Variants in DSCAML1 observed in about 807,000 individuals in gnomAD.
The protein encoded by DSCAML1 is DS cell adhesion molecule like 1.
In DSCAML1, 38 loss-of-function variants were observed where a neutral mutation model predicts 200.5. The observed-to-expected ratio is 0.19, with a 90% CI of 0.15 to 0.25. The LOEUF (loss-of-function observed/expected upper bound fraction) is 0.25. Ranked by LOEUF, DSCAML1 falls within the 10% of genes least tolerant of loss-of-function variation. The probability of loss-of-function intolerance (pLI) is 1.00; values close to 1 mark genes in which losing one functional copy is unlikely to be tolerated. For synonymous variants in DSCAML1, 1,215 were observed against 1,165.0 expected, an observed-to-expected ratio of 1.04 and a Z score of -0.87; for missense variants, 2,223 against 2,858.8, an observed-to-expected ratio of 0.78 and a Z score of 5.07.
chr11:117,559,901 T>C (rs533235025), intron 3 of DSCAML1, among the ~76,000 whole-genome samples: 17 of 151,526 alleles, frequency 1.1e-4, no homozygotes, highest in Admixed American at 7.2e-4. Flanking sequence ...AGGAAGGGCC[T>C]AGAGTTGGGG....
chr11:117,725,838 CAAAACAAAACAAAAA>C (rs1307198429), intron 3 of DSCAML1, among the ~76,000 whole-genome samples: 1,909 of 149,474 alleles, frequency 0.013, 35 homozygotes, highest in African/African-American at 0.043. Flanking sequence ...CAAAACAAAA[CAAAACAAAACAAAAA>C]GGTAGGGAGG....
intron 3 of DSCAML1, among the ~76,000 whole-genome samples, chr11:117,765,520 G>A (rs1409091668): frequency 2.0e-5 from 3 of 152,076 alleles, no homozygotes; most frequent in Admixed American, 6.5e-5. Flanking sequence ...TCACACCTAC[G>A]ATCACACCTA....
intron 3 of DSCAML1, among the ~76,000 whole-genome samples, chr11:117,536,121 G>A (rs895808011): frequency 3.3e-5 from 5 of 152,130 alleles, no homozygotes; most frequent in Non-Finnish European, 5.9e-5. Flanking sequence ...TGCACAGCGC[G>A]AGAGGGGAAG....
intron 3 of DSCAML1, among the ~76,000 whole-genome samples, chr11:117,577,124 A>G (rs1426182887): frequency 6.6e-6 from 1 of 152,180 alleles, no homozygotes; most frequent in African/African-American, 2.4e-5. Flanking sequence ...GGTCCCTGGT[A>G]CTGGTGTCAC....
intron 1 of DSCAML1, among the ~76,000 whole-genome samples, chr11:117,785,661 A>C (rs1351619597): frequency 6.6e-6 from 1 of 152,162 alleles, no homozygotes; most frequent in Admixed American, 6.6e-5. Flanking sequence ...AAGTTCTTGT[A>C]GTCCTTATGT....
chr11:117,486,632 A>T (rs942870473), intron 11 of DSCAML1, among the ~76,000 whole-genome samples: 2 of 152,228 alleles, frequency 1.3e-5, no homozygotes, highest in Admixed American at 6.5e-5. Flanking sequence ...GCAAGACTGT[A>T]TAAGACCCAT....
Position 117,662,207 on chromosome 11 carries a change from T to A in DSCAML1, c.511+114584A>T, listed in dbSNP as rs188220693. Among the ~76,000 whole-genome samples, 65 of 152,340 alleles carry A rather than the reference T, an allele frequency of 4.3e-4. 1 individual carries two copies. The East Asian group carries it at 0.011, about 27-fold the overall frequency. The stretch of plus-strand genomic sequence containing the variant: ...CACACCCCAGGGGCAAGTGCCATGT[T>A]TTTTTAAAAAAGGATGGTCACTAAC... On this transcript the variant is annotated intron_variant, in intron 3 of 32. Coordinates refer to ENST00000651296, the MANE Select transcript of DSCAML1 (RefSeq NM_020693.4).
intron 5 of DSCAML1, among the ~76,000 whole-genome samples, chr11:117,523,263 T>G (rs975328258): frequency 2.0e-5 from 3 of 152,056 alleles, no homozygotes; most frequent in Admixed American, 6.5e-5. Context: ...GTTGCCCTTC[T>G]GACCTATTTG....
chr11:117,610,845 C>G (rs1192708838), intron 3 of DSCAML1, among the ~76,000 whole-genome samples: 1 of 148,700 alleles, frequency 6.7e-6, no homozygotes, highest in African/African-American at 2.5e-5. Context: ...AAACAACCCC[C>G]CCCCCCCACA....
At chr11:117,814,170 A>T (rs933941214) in intron 1 of DSCAML1, among the ~76,000 whole-genome samples, 1 of 150,492 alleles carries the variant, frequency 6.6e-6, no homozygotes, top group South Asian at 2.1e-4. Context: ...CTTTGACTGT[A>T]ATTTTCCATT....
intron 11 of DSCAML1, among the ~76,000 whole-genome samples, chr11:117,491,127 T>C (rs1287732219): frequency 1.3e-5 from 2 of 152,084 alleles, no homozygotes; most frequent in Non-Finnish European, 2.9e-5. Flanking sequence ...AGGAACAGGA[T>C]GAGAATGCCA....
rs1264913401 is a variant in DSCAML1, at chr11:117,504,771, T to G, written c.2182+153A>C. Among the ~76,000 whole-genome samples the G allele has an allele frequency of 6.6e-6, 1 of 152,010 alleles. No individual in the cohort carries two copies. Among genetic ancestry groups the G allele is most frequent in the East Asian group, 1.9e-4 (1 of 5,176 alleles). On this transcript the variant is annotated intron_variant, in intron 10 of 32. Coordinates refer to ENST00000651296, the MANE Select transcript of DSCAML1 (RefSeq NM_020693.4). The surrounding 1 kb of genome is among the most constrained non-coding windows in gnomAD (Gnocchi z 5.0). ...GGGGGTGGCTGAGGATGACTCCAGG[T>G]GAGGTGTAGCCTGGGGTCCACTGGG...
At position 117,518,812 on chromosome 11, in the gene DSCAML1, G is replaced by A. The variant is rs192291775; in HGVS notation, c.1214-50C>T. 9.7e-6 allele frequency: 15 copies of A among 1,551,152 alleles called. No individual in the cohort carries two copies. The East Asian group carries it at 1.2e-4, about 12-fold the overall frequency. ...CAGGGTCACCAAGCCATGGAGAGAC[G>A]GTCCCCCCAGCCACCCCACCTCAGC... On this transcript the variant is annotated intron_variant, in intron 6 of 32. Transcript: ENST00000651296. The surrounding 1 kb of genome is among the most constrained non-coding windows in gnomAD (Gnocchi z 6.3).
intron 3 of DSCAML1, among the ~76,000 whole-genome samples, chr11:117,720,202 C>T (rs1299244768): frequency 2.6e-5 from 4 of 152,178 alleles, no homozygotes; most frequent in African/African-American, 9.7e-5. Context: ...GACACCCAGG[C>T]AGCCAGGTAT....
intron 1 of DSCAML1, among the ~76,000 whole-genome samples, chr11:117,814,538 T>C (rs1396733687): frequency 6.6e-6 from 1 of 152,200 alleles, no homozygotes; most frequent in Non-Finnish European, 1.5e-5. Flanking sequence ...AATCACTCAT[T>C]CATTCCTCTA....
intron 3 of DSCAML1, among the ~76,000 whole-genome samples, chr11:117,594,760 T>G (rs905114698): frequency 2.0e-5 from 3 of 152,206 alleles, no homozygotes; most frequent in African/African-American, 4.8e-5. Flanking sequence ...GACTCTCATC[T>G]TTAGTCCTAT....
chr11:117,461,356 T>C (rs2048479608), intron 18 of DSCAML1, 94 bp downstream of exon 18: 4 of 1,555,484 alleles, frequency 2.6e-6, no homozygotes, highest in Non-Finnish European at 3.5e-6. Flanking sequence ...TGCCAAGCTG[T>C]GGGAGGATGC....
At chr11:117,445,912 A>G (rs1181256574) in intron 20 of DSCAML1, among the ~76,000 whole-genome samples, 5 of 152,252 alleles carry the variant, frequency 3.3e-5, no homozygotes, top group African/African-American at 1.2e-4. Context: ...ATAAAGTTCC[A>G]GTGGATCAAA....
At chr11:117,476,412 CGGA>C (rs2048792693) in intron 14 of DSCAML1, among the ~76,000 whole-genome samples, 1 of 152,178 alleles carries the variant, frequency 6.6e-6, no homozygotes, top group African/African-American at 2.4e-5. Context: ...CTTCACAGCA[CGGA>C]GAAGAGGCCT....
Sources: allele counts gnomAD v4.1 joint callset (sites outside exome capture counted in the v4.1 genomes callset), GRCh38; gene constraint gnomAD v4.1.1; non-coding constraint Gnocchi (gnomAD v3.1); transcripts MANE v1.5; gene names NCBI Gene and HGNC (gene_info 2026-07-23, HGNC 2026-07-21).